GPR137C: variants seen among roughly 807,000 people sequenced by gnomAD.
The protein encoded by GPR137C is G protein-coupled receptor 137C, also known as integral membrane protein GPR137C.
GPR137C carries 27 observed loss-of-function variants against 43.4 expected under a neutral mutation model. The ratio of observed to expected loss-of-function variants is 0.62; its 90% CI spans 0.46 to 0.86. The LOEUF (loss-of-function observed/expected upper bound fraction) is 0.86. GPR137C is among the 40% of genes least tolerant of loss of function. The probability of loss-of-function intolerance (pLI) is 0.00; values close to 1 mark genes in which losing one functional copy is unlikely to be tolerated. For synonymous variants in GPR137C, 285 were observed against 226.9 expected (o/e 1.26, Z -2.30); for missense variants, 522 against 534.6 (o/e 0.98, Z 0.23).
At chr14:52,565,133 A>G (rs932723826) in intron 1 of GPR137C, among the ~76,000 whole-genome samples, 3 of 152,202 alleles carry the variant, frequency 2.0e-5, no homozygotes, top group African/African-American at 7.2e-5. Context: ...TTTCAAGAGA[A>G]ATCACAAATT....
In GPR137C at chr14:52,563,937, T is replaced by C. The variant is rs549103483; in HGVS notation, c.444+10346T>C. On this transcript the variant is annotated intron_variant, in intron 1 of 6. Coordinates refer to ENST00000321662, the MANE Select transcript of GPR137C (RefSeq NM_001099652.2). The stretch of plus-strand genomic sequence containing the variant: ...TATACCCTGGCCCCCACAGGCCCAT[T>C]CTCCACAGTGTTGCCAGAGTTTTTT... Among the ~76,000 whole-genome samples, 153 of 152,224 alleles carry C rather than the reference T, an allele frequency of 1.0e-3. 6 individuals carry two copies. In the South Asian group the frequency reaches 0.031, roughly 31 times the overall value.
intron 1 of GPR137C, chr14:52,596,987 G>A (rs568513482): frequency 8.8e-5 from 40 of 455,016 alleles, no homozygotes; most frequent in East Asian, 6.9e-4. Flanking sequence ...CAAATGGTGC[G>A]TTTGTAACAA....
At chr14:52,630,991 G>A (rs1458061091) in intron 3 of GPR137C, among the ~76,000 whole-genome samples, 1 of 152,136 alleles carries the variant, frequency 6.6e-6, no homozygotes, top group Non-Finnish European at 1.5e-5. Flanking sequence ...TATACCACAA[G>A]CAGTATTGCT....
chr14:52,580,861 A>G (rs2038634857), intron 1 of GPR137C, among the ~76,000 whole-genome samples: 3 of 147,672 alleles, frequency 2.0e-5, no homozygotes, highest in Non-Finnish European at 3.0e-5. Context: ...ATATAAATAT[A>G]TATTTCTTAG....
At chr14:52,579,526 T>C (rs77066553) in intron 1 of GPR137C, among the ~76,000 whole-genome samples, 13,631 of 152,252 alleles carry the variant, frequency 0.09, 675 homozygotes, top group South Asian at 0.15. Context: ...TAGCTTGGGA[T>C]TCATCTTTCT....
chr14:52,634,156 GC>G (rs1291541077), intron 6 of GPR137C, among the ~76,000 whole-genome samples: 3 of 152,088 alleles, frequency 2.0e-5, no homozygotes, highest in African/African-American at 7.2e-5. Flanking sequence ...AAGCCTATAT[GC>G]CTTTTGGCTA....
intron 3 of GPR137C, among the ~76,000 whole-genome samples, chr14:52,610,138 C>T (rs2039023301): frequency 1.3e-5 from 2 of 152,138 alleles, no homozygotes; most frequent in South Asian, 4.1e-4. Context: ...ATAAGACTAT[C>T]CCCCATTCTG....
intron 1 of GPR137C, among the ~76,000 whole-genome samples, chr14:52,554,264 C>T (rs1338103149): frequency 1.3e-5 from 2 of 152,148 alleles, no homozygotes; most frequent in African/African-American, 4.8e-5. Flanking sequence ...TATCCTACCT[C>T]CTATTAGCAT....
chr14:52,577,167 A>G, intron 1 of GPR137C, among the ~76,000 whole-genome samples: 1 of 128,816 alleles, frequency 7.8e-6, no homozygotes, highest in African/African-American at 3.0e-5. Flanking sequence ...AGCCTGGGCG[A>G]CAGAGTAAGA....
chr14:52,604,994 T>A (rs1267084701), intron 3 of GPR137C, among the ~76,000 whole-genome samples: 2 of 152,232 alleles, frequency 1.3e-5, no homozygotes, highest in Non-Finnish European at 1.5e-5. Flanking sequence ...AATATTGTGA[T>A]GCCTCCAACT....
intron 3 of GPR137C, among the ~76,000 whole-genome samples, chr14:52,602,086 T>A (rs376544519): frequency 6.6e-6 from 1 of 150,808 alleles, no homozygotes; most frequent in South Asian, 2.1e-4. Context: ...ACATACTAGA[T>A]GATTTGTTTA....
intron 1 of GPR137C, among the ~76,000 whole-genome samples, chr14:52,563,017 C>T (rs1219397905): frequency 6.6e-6 from 1 of 152,170 alleles, no homozygotes; most frequent in African/African-American, 2.4e-5. Context: ...CTGCCTTCCC[C>T]CCATCAGTCT....
chr14:52,613,674 A>T, intron 3 of GPR137C: 1 of 285,516 alleles, frequency 3.5e-6, no homozygotes, highest in Non-Finnish European at 7.0e-6. Flanking sequence ...GTTGCAGATT[A>T]CAGGATCTCA....
At chr14:52,626,604 C>T (rs946589029) in intron 3 of GPR137C, among the ~76,000 whole-genome samples, 25 of 152,058 alleles carry the variant, frequency 1.6e-4, no homozygotes, top group Admixed American at 1.0e-3. Context: ...AGGATGTCAG[C>T]TCTCACCATT....
chr14:52,617,919 G>T (rs1271372613), intron 3 of GPR137C, among the ~76,000 whole-genome samples: 1 of 152,020 alleles, frequency 6.6e-6, no homozygotes, highest in Non-Finnish European at 1.5e-5. Flanking sequence ...TACATAAAAT[G>T]CTTGGTATAT....
chr14:52,571,187 C>T (rs965940035), intron 1 of GPR137C, among the ~76,000 whole-genome samples: 1 of 152,138 alleles, frequency 6.6e-6, no homozygotes, highest in Non-Finnish European at 1.5e-5. Flanking sequence ...GAAACTCACT[C>T]AAAACTGCAC....
chr14:52,631,005 A>G (rs540407517), intron 3 of GPR137C, among the ~76,000 whole-genome samples: 3 of 152,332 alleles, frequency 2.0e-5, no homozygotes, highest in Non-Finnish European at 4.4e-5. Flanking sequence ...TATTGCTGTC[A>G]ATGTCATGAT....
At chr14:52,599,190 C>G (rs2038893362) in intron 2 of GPR137C, among the ~76,000 whole-genome samples, 2 of 152,124 alleles carry the variant, frequency 1.3e-5, no homozygotes, top group East Asian at 1.9e-4. Flanking sequence ...CTGAAGAGTT[C>G]TTATGAGGTA....
intron 3 of GPR137C, among the ~76,000 whole-genome samples, chr14:52,605,540 C>G (rs1161440421): frequency 2.6e-5 from 4 of 152,114 alleles, no homozygotes; most frequent in Non-Finnish European, 4.4e-5. Flanking sequence ...CCCTTTATTT[C>G]TTTCTCTTGC....
Sources: allele counts gnomAD v4.1 joint callset (sites outside exome capture counted in the v4.1 genomes callset), GRCh38; gene constraint gnomAD v4.1.1; transcripts MANE v1.5; gene names NCBI Gene and HGNC (gene_info 2026-07-23, HGNC 2026-07-21).